LYG1: variants seen among roughly 807,000 people sequenced by gnomAD.
The protein encoded by LYG1 is lysozyme g1.
A neutral mutation model predicts 21.7 loss-of-function variants in LYG1; 17 were observed. The ratio of observed to expected loss-of-function variants is 0.78; its 90% CI spans 0.54 to 1.18. The LOEUF (loss-of-function observed/expected upper bound fraction) is 1.18, where lower values mean the gene tolerates loss of function less well. Ranked by LOEUF, LYG1 falls within the 50% of genes most tolerant of loss-of-function variation. The probability of loss-of-function intolerance (pLI) is 0.00; values close to 1 mark genes in which losing one functional copy is unlikely to be tolerated. For synonymous variants in LYG1, 81 were observed against 87.4 expected, an observed-to-expected ratio of 0.93 and a Z score of 0.41; for missense variants, 211 against 238.1, an observed-to-expected ratio of 0.89 and a Z score of 0.75.
At chr2:99,292,985 C>CTTT (rs70940159) in intron 3 of LYG1, among the ~76,000 whole-genome samples, 1,104 of 83,076 alleles carry the variant, frequency 0.013, 25 homozygotes, top group Middle Eastern at 0.026. Context: ...CCTCATCTTA[C>CTTT]TTTTTTTTTT....
intron 1 of LYG1, among the ~76,000 whole-genome samples, chr2:99,298,913 T>A (rs1236870926): frequency 6.6e-6 from 1 of 152,162 alleles, no homozygotes; most frequent in Non-Finnish European, 1.5e-5. Context: ...TAATTTTAAT[T>A]ACTTTTTGTT....
chr2:99,284,631 A>T lies in LYG1; in HGVS notation c.466+57T>A, dbSNP rs566144903. 3.4e-4 allele frequency: 542 copies of T among 1,602,548 alleles called. 3 individuals are homozygous for T. The South Asian group carries it at 5.7e-3, about 17-fold the overall frequency. ...TTCGGGGAATCTGGTGCAATGTATTATATTTGTCCCTATTAATTCTGTGCT... is the reference window on the plus strand; with the variant it reads ...TTCGGGGAATCTGGTGCAATGTATTTTATTTGTCCCTATTAATTCTGTGCT... On this transcript the variant is annotated intron_variant, in intron 6 of 6. Transcript: ENST00000308528.
At position 99,291,234 on chromosome 2, in the gene LYG1, T is replaced by C; in HGVS notation, c.333+3A>G. On this transcript the variant is annotated splice_donor_region_variant and intron_variant, in intron 5 of 6. Transcript: ENST00000308528. ...CCACATGTGTCAACGGATGAAGAGTTACCTGCACCATGCTAGTCCTATCGC... is the reference window on the plus strand; with the variant it reads ...CCACATGTGTCAACGGATGAAGAGTCACCTGCACCATGCTAGTCCTATCGC... 1 of 1,613,634 alleles carries C rather than the reference T, an allele frequency of 6.2e-7. No homozygotes were observed. Among genetic ancestry groups the C allele is most frequent in the Non-Finnish European group, 8.5e-7 (1 of 1,179,744 alleles).
intron 5 of LYG1, among the ~76,000 whole-genome samples, chr2:99,287,969 CTCT>C (rs1232721494): frequency 1.3e-5 from 2 of 152,084 alleles, no homozygotes; most frequent in African/African-American, 4.8e-5. Context: ...ACAATCAAGC[CTCT>C]TAATTGTGTT....
intron 1 of LYG1, among the ~76,000 whole-genome samples, chr2:99,299,304 C>T (rs1385587917): frequency 8.2e-5 from 9 of 110,160 alleles, no homozygotes; most frequent in East Asian, 2.6e-4. Context: ...TTTTTTTAAT[C>T]GAGACAAGGT....
In LYG1 at chr2:99,284,529, G is replaced by A. The variant is rs1207502635; in HGVS notation, c.467-18C>T. On this transcript the variant is annotated intron_variant, in intron 6 of 6. Transcript: ENST00000308528. The stretch of plus-strand genomic sequence containing the variant: ...GAGTCCACCTGAAATGCATGAGATA[G>A]GTTAATGCTGACCTAGGGTACTCAG... 3.1e-6 allele frequency: 5 copies of A among 1,611,588 alleles called. No individual in the cohort carries two copies. The highest frequency in any genetic ancestry group is 4.2e-6 in the Non-Finnish European group (5 of 1,178,142).
chr2:99,299,719 T>C (rs1304805827), intron 1 of LYG1, among the ~76,000 whole-genome samples: 1 of 152,024 alleles, frequency 6.6e-6, no homozygotes, highest in East Asian at 1.9e-4. Flanking sequence ...TGGCCTGTTT[T>C]AAAATTATTT....
At chr2:99,293,909 T>TTTAATTAA (rs577473961) in intron 3 of LYG1, among the ~76,000 whole-genome samples, 4 of 152,072 alleles carry the variant, frequency 2.6e-5, no homozygotes, top group African/African-American at 9.7e-5. Context: ...TAGATTACTC[T>TTTAATTAA]TTAATTAATT....
At position 99,291,297 on chromosome 2, in the gene LYG1, G is replaced by A. The variant is rs1328518988; in HGVS notation, c.273C>T (p.Ser91=). The change falls in exon 5 of 7, where the codon TCC becomes TCT. Residue 91 remains serine (S), a synonymous_variant. Transcript: ENST00000308528. ...GAATTTTGTCACCGGGAGACTTCCT[G>A]GACAAGACACCAGCGATCACGGCAG... ...MDPAVIAGVL[S]RKSPGDKILV... 2 of 1,613,362 alleles carry A rather than the reference G, an allele frequency of 1.2e-6. No individual in the cohort carries two copies. The highest frequency in any genetic ancestry group is 1.7e-6 in the Non-Finnish European group (2 of 1,179,650).
At chr2:99,294,399 T>C (rs2094130157) in intron 3 of LYG1, among the ~76,000 whole-genome samples, 3 of 152,336 alleles carry the variant, frequency 2.0e-5, no homozygotes, top group Non-Finnish European at 1.5e-5. Flanking sequence ...TACTCGTCTT[T>C]TGGAGTAAAT....
chr2:99,295,876 T>G (rs1167755853), intron 2 of LYG1, among the ~76,000 whole-genome samples, 174 bp from the exon 3 acceptor site: 2 of 151,864 alleles, frequency 1.3e-5, no homozygotes, highest in Non-Finnish European at 2.9e-5. Flanking sequence ...AAGTAAGTGC[T>G]CCATTCATCC....
intron 2 of LYG1, 141 bp from the exon 3 acceptor site, chr2:99,295,843 T>G (rs1218993463): frequency 1.6e-5 from 13 of 794,578 alleles, no homozygotes; most frequent in Non-Finnish European, 2.6e-5. Flanking sequence ...TGAATCATAG[T>G]GAAAAAAAAG....
At chr2:99,285,432 A>T (rs969862339) in intron 5 of LYG1, among the ~76,000 whole-genome samples, 3 of 152,114 alleles carry the variant, frequency 2.0e-5, no homozygotes, top group Non-Finnish European at 4.4e-5. Context: ...AGAAGGGAAA[A>T]TTCCCAAATC....
chr2:99,291,528 G>T, intron 4 of LYG1, 107 bp from the exon 5 acceptor site: 2 of 1,252,750 alleles, frequency 1.6e-6, no homozygotes, highest in East Asian at 2.5e-5. Context: ...AATGGTCGAG[G>T]ACTGACAATC....
chr2:99,299,101 A>G (rs1021451130), intron 1 of LYG1, among the ~76,000 whole-genome samples: 3 of 151,320 alleles, frequency 2.0e-5, no homozygotes, highest in Admixed American at 2.0e-4. Flanking sequence ...TAATTTTTGT[A>G]TTTTTAGTAG....
Position 99,295,608 on chromosome 2 carries a change from T to C in LYG1, c.43+20A>G. ...TCCTTCCCATCTCCAAAGTCATTTG[T>C]AAAAATCAGCCACACTCACCCATCA... On this transcript the variant is annotated intron_variant, in intron 3 of 6. Coordinates refer to ENST00000308528, the MANE Select transcript of LYG1 (RefSeq NM_174898.3). The C allele has an allele frequency of 6.2e-7, 1 of 1,613,986 alleles. No homozygotes were observed. Among genetic ancestry groups the C allele is most frequent in the South Asian group, 1.1e-5 (1 of 91,088 alleles).
In LYG1 at chr2:99,284,728, C is replaced by A; in HGVS notation, c.426G>T (p.Gln142His). 6.2e-7 allele frequency: 1 copy of A among 1,614,160 alleles called. No individual in the cohort carries two copies. The highest frequency in any genetic ancestry group is 8.5e-7 in the Non-Finnish European group (1 of 1,180,038). The change falls in exon 6 of 7, where the codon CAG becomes CAT. Residue 142 changes from glutamine (Q) to histidine (H), a missense_variant. Physicochemically the swap from Gln to His is conservative, Grantham distance 24. Coordinates refer to ENST00000308528, the MANE Select transcript of LYG1 (RefSeq NM_174898.3). ...EVLTTRIKEI[Q>H]RRFPTWTPDQ... ...CAGGGGTCCAGGTTGGAAACCTCCTCTGGATTTCTTTGATTCTAGTAGTCA... is the reference window on the plus strand; with the variant it reads ...CAGGGGTCCAGGTTGGAAACCTCCTATGGATTTCTTTGATTCTAGTAGTCA...
intron 5 of LYG1, among the ~76,000 whole-genome samples, 183 bp downstream of exon 5, chr2:99,291,054 A>G (rs1347192849): frequency 6.6e-6 from 1 of 152,228 alleles, no homozygotes; most frequent in African/African-American, 2.4e-5. Context: ...CTGTGAAAAG[A>G]AATTGTGGCT....
chr2:99,302,304 C>T (rs935806565), upstream of LYG1, among the ~76,000 whole-genome samples: 3 of 152,308 alleles, frequency 2.0e-5, no homozygotes, highest in East Asian at 1.9e-4. Flanking sequence ...ACACAAGCTC[C>T]GTGAGAGCTG....
Sources: allele counts gnomAD v4.1 joint callset (sites outside exome capture counted in the v4.1 genomes callset), GRCh38; gene constraint gnomAD v4.1.1; transcripts MANE v1.5; gene names NCBI Gene and HGNC (gene_info 2026-07-23, HGNC 2026-07-21).